The following ACSS3 variants were observed in gnomAD, a reference collection of about 807,000 sequenced individuals.
The protein encoded by ACSS3 is acyl-CoA synthetase short chain family member 3.
A neutral mutation model predicts 84.2 loss-of-function variants in ACSS3; 64 were observed. The ratio of observed to expected loss-of-function variants is 0.76; its 90% CI spans 0.62 to 0.94. ACSS3 has a LOEUF of 0.94. Ranked by LOEUF, ACSS3 falls within the 40% of genes least tolerant of loss-of-function variation. ACSS3 has a pLI of 0.00. For missense variants in ACSS3, 815 were observed against 867.6 expected, an observed-to-expected ratio of 0.94 and a Z score of 0.76; for synonymous variants, 317 against 310.1, an observed-to-expected ratio of 1.02 and a Z score of -0.23.
chr12:81,199,778 C>A, intron 9 of ACSS3: 1 of 951,874 alleles, frequency 1.1e-6, no homozygotes, highest in Non-Finnish European at 1.5e-6. Flanking sequence ...TCAGTATTCC[C>A]CTTGCCTTTG....
At chr12:81,152,864 T>C (rs1886677471) in intron 7 of ACSS3, among the ~76,000 whole-genome samples, 2 of 152,104 alleles carry the variant, frequency 1.3e-5, no homozygotes, top group African/African-American at 2.4e-5. Context: ...AATACAGAAA[T>C]GAAATAGGGA....
intron 7 of ACSS3, among the ~76,000 whole-genome samples, chr12:81,163,176 T>A (rs1163936728): frequency 1.3e-5 from 2 of 152,230 alleles, no homozygotes; most frequent in Non-Finnish European, 2.9e-5. Context: ...TATATTTGTT[T>A]AGGAATCAAA....
At chr12:81,085,961 A>G (rs1015243464) in intron 1 of ACSS3, among the ~76,000 whole-genome samples, 2 of 152,190 alleles carry the variant, frequency 1.3e-5, no homozygotes, top group Admixed American at 6.5e-5. Flanking sequence ...TGTAATCGCA[A>G]ATTTTCTGTG....
chr12:81,241,766 T>G (rs2033812822), intron 13 of ACSS3, among the ~76,000 whole-genome samples: 1 of 152,034 alleles, frequency 6.6e-6, no homozygotes, highest in Non-Finnish European at 1.5e-5. Flanking sequence ...GTTGCGAAAA[T>G]TTTCTCCCAT....
chr12:81,144,514 C>G (rs1886233310), intron 5 of ACSS3, among the ~76,000 whole-genome samples: 1 of 152,156 alleles, frequency 6.6e-6, no homozygotes, highest in Non-Finnish European at 1.5e-5. Context: ...GCCTTGCACA[C>G]TAGCCACCTG....
chr12:81,189,088 C>T (rs909967101), intron 8 of ACSS3, among the ~76,000 whole-genome samples: 1 of 152,102 alleles, frequency 6.6e-6, no homozygotes, highest in African/African-American at 2.4e-5. Flanking sequence ...CTCCAACCAC[C>T]CTGGCTGCTG....
chr12:81,127,983 A>T (rs1046835457), intron 2 of ACSS3, among the ~76,000 whole-genome samples: 8 of 152,100 alleles, frequency 5.3e-5, no homozygotes, highest in Admixed American at 2.6e-4. Flanking sequence ...ATAACATAAA[A>T]TTTTTTATTA....
intron 1 of ACSS3, among the ~76,000 whole-genome samples, chr12:81,101,661 G>A (rs1565975596): frequency 6.6e-6 from 1 of 151,974 alleles, no homozygotes; most frequent in Non-Finnish European, 1.5e-5. Context: ...TACTGATTTT[G>A]AGCCCTCCTA....
chr12:81,137,353 A>ACC (rs1885861499), intron 3 of ACSS3, among the ~76,000 whole-genome samples: 1 of 146,272 alleles, frequency 6.8e-6, no homozygotes, highest in African/African-American at 2.5e-5. Context: ...ACACACACAC[A>ACC]CACACACACA....
chr12:81,228,416 T>C (rs2033341814), intron 11 of ACSS3, among the ~76,000 whole-genome samples: 1 of 151,812 alleles, frequency 6.6e-6, no homozygotes, highest in South Asian at 2.1e-4. Context: ...TTTGTGCAGA[T>C]ATTTAAAGTT....
At chr12:81,134,061 G>A (rs1456419259) in intron 2 of ACSS3, among the ~76,000 whole-genome samples, 1 of 149,902 alleles carries the variant, frequency 6.7e-6, no homozygotes, top group African/African-American at 2.4e-5. Context: ...ATATGTTGAG[G>A]TCTCAAAAAC....
At chr12:81,160,571 T>C (rs1165962427) in intron 7 of ACSS3, among the ~76,000 whole-genome samples, 1 of 152,228 alleles carries the variant, frequency 6.6e-6, no homozygotes, top group African/African-American at 2.4e-5. Context: ...TAGTTCATTT[T>C]TTAATCATTA....
rs529474578 is a variant in ACSS3 at position 81,119,253 on chromosome 12, C to A, written c.456+9549C>A. 6.6e-5 allele frequency among the ~76,000 whole-genome samples: 10 copies of A among 152,160 alleles called. No individual in the cohort carries two copies. The South Asian group carries it at 1.2e-3, about 19-fold the overall frequency. On this transcript the variant is annotated intron_variant, in intron 2 of 15. Transcript: ENST00000548058. Reference sequence around the variant, plus strand: ...AGGGCAAAAAGGAGAACAAAGATCACATGCTTCTGAGGCTAATAAAGATCA... The same window carrying A: ...AGGGCAAAAAGGAGAACAAAGATCAAATGCTTCTGAGGCTAATAAAGATCA...
At chr12:81,100,443 A>AG (rs1166717983) in intron 1 of ACSS3, among the ~76,000 whole-genome samples, 1 of 152,144 alleles carries the variant, frequency 6.6e-6, no homozygotes, top group East Asian at 1.9e-4. Flanking sequence ...CTTCTTTACA[A>AG]GGACATCTAA....
intron 13 of ACSS3, among the ~76,000 whole-genome samples, chr12:81,243,149 A>G (rs1217346223): frequency 3.9e-5 from 6 of 152,190 alleles, no homozygotes; most frequent in Non-Finnish European, 7.3e-5. Context: ...CTGATAAGCA[A>G]CTTCAGCAAA....
chr12:81,231,815 G>A (rs757761214), intron 12 of ACSS3, among the ~76,000 whole-genome samples: 12 of 151,564 alleles, frequency 7.9e-5, no homozygotes, highest in Non-Finnish European at 1.6e-4. Context: ...CATTAATAAA[G>A]CACATCAGGT....
intron 7 of ACSS3, among the ~76,000 whole-genome samples, chr12:81,169,380 T>C (rs1445911794): frequency 6.6e-6 from 1 of 152,140 alleles, no homozygotes; most frequent in Non-Finnish European, 1.5e-5. Context: ...TAAAGCAACA[T>C]AATGTTTTGA....
intron 8 of ACSS3, among the ~76,000 whole-genome samples, chr12:81,177,759 G>A (rs374429671): frequency 2.0e-5 from 3 of 152,100 alleles, no homozygotes; most frequent in Non-Finnish European, 4.4e-5. Flanking sequence ...CAAAACCACA[G>A]TGAGATACCA....
chr12:81,176,097 C>T (rs1037415465), intron 8 of ACSS3, among the ~76,000 whole-genome samples: 2 of 151,976 alleles, frequency 1.3e-5, no homozygotes, highest in Admixed American at 1.3e-4. Flanking sequence ...TCTTGATAGG[C>T]CACTAGCTAG....
Sources: allele counts gnomAD v4.1 joint callset (sites outside exome capture counted in the v4.1 genomes callset), GRCh38; gene constraint gnomAD v4.1.1; transcripts MANE v1.5; gene names NCBI Gene and HGNC (gene_info 2026-07-23, HGNC 2026-07-21).